NPAS3: variants seen among roughly 807,000 people sequenced by gnomAD.
NPAS3 encodes neuronal PAS domain-containing protein 3.
NPAS3 carries 14 observed loss-of-function variants against 73.1 expected under a neutral mutation model. That is an observed-to-expected ratio of 0.19 (90% CI 0.13 to 0.30). The LOEUF (loss-of-function observed/expected upper bound fraction) is 0.30. Ranked by LOEUF, NPAS3 falls within the 10% of genes least tolerant of loss-of-function variation. NPAS3 has a pLI of 1.00. For missense variants in NPAS3, 1,096 were observed against 1,250.0 expected (o/e 0.88, Z 1.86); for synonymous variants, 620 against 541.5 (o/e 1.14, Z -2.01).
At chr14:32,946,373 C>T (rs2036261216) in intron 1 of NPAS3, among the ~76,000 whole-genome samples, 2 of 151,572 alleles carry the variant, frequency 1.3e-5, no homozygotes, top group South Asian at 4.2e-4. Context: ...CACACACACA[C>T]ACACACACAC....
At chr14:33,585,289 C>T (rs1012653778) in intron 5 of NPAS3, among the ~76,000 whole-genome samples, 1 of 152,018 alleles carries the variant, frequency 6.6e-6, no homozygotes, top group Non-Finnish European at 1.5e-5. Flanking sequence ...CGAAGGTTAG[C>T]AGTGTGAAGT....
At chr14:33,469,967 G>A (rs1481734984) in intron 4 of NPAS3, among the ~76,000 whole-genome samples, 1 of 152,116 alleles carries the variant, frequency 6.6e-6, no homozygotes, top group Non-Finnish European at 1.5e-5. Context: ...CCAGCTCAAG[G>A]GCTTGGGTTT....
chr14:33,249,721 C>G (rs2048512660), intron 3 of NPAS3, among the ~76,000 whole-genome samples: 1 of 152,060 alleles, frequency 6.6e-6, no homozygotes, highest in South Asian at 2.1e-4. Context: ...TCATCAATTG[C>G]CATCTGGATG....
At chr14:33,284,350 A>G (rs978292121) in intron 3 of NPAS3, among the ~76,000 whole-genome samples, 4 of 151,986 alleles carry the variant, frequency 2.6e-5, no homozygotes, top group African/African-American at 9.7e-5. Flanking sequence ...AAAGATTCTT[A>G]ACTCTGCATA....
At chr14:33,102,091 C>A (rs2042593614) in intron 2 of NPAS3, among the ~76,000 whole-genome samples, 1 of 152,148 alleles carries the variant, frequency 6.6e-6, no homozygotes, top group African/African-American at 2.4e-5. Flanking sequence ...AGCATCATCT[C>A]TTGCCTGAAT....
At chr14:33,400,493 C>T (rs770242959) in intron 4 of NPAS3, among the ~76,000 whole-genome samples, 6 of 152,004 alleles carry the variant, frequency 3.9e-5, no homozygotes, top group African/African-American at 9.7e-5. Context: ...TAACTAAAGG[C>T]GAAGACTGGT....
At chr14:32,957,102 A>G (rs868772453) in intron 1 of NPAS3, among the ~76,000 whole-genome samples, 4 of 152,180 alleles carry the variant, frequency 2.6e-5, no homozygotes, top group Non-Finnish European at 5.9e-5. Context: ...CTGGTCTTCT[A>G]TGTTCAGTGT....
At position 33,722,149 on chromosome 14, in the gene NPAS3, C is replaced by G. The variant is rs537721209; in HGVS notation, c.734-13065C>G. On this transcript the variant is annotated intron_variant, in intron 6 of 11. Coordinates refer to ENST00000356141, the Ensembl canonical transcript of NPAS3. The stretch of plus-strand genomic sequence containing the variant: ...TATACCATTTAGACCCAGAAGCCAT[C>G]CAACATAACATCGAAGTGTTCATGG... Among the ~76,000 whole-genome samples, 4 of 152,282 alleles carry G rather than the reference C, an allele frequency of 2.6e-5. No homozygotes were observed. In the East Asian group the frequency reaches 7.7e-4, roughly 29 times the overall value.
intron 6 of NPAS3, among the ~76,000 whole-genome samples, chr14:33,683,642 C>T (rs2060004802): frequency 6.6e-6 from 1 of 152,132 alleles, no homozygotes; most frequent in African/African-American, 2.4e-5. Flanking sequence ...GGATCAGTTA[C>T]CTAGCATTGA....
At position 33,800,167 on chromosome 14, in the gene NPAS3, G is replaced by C. The variant is rs368518909; in HGVS notation, c.1860G>C (p.Ala620=). Residue 620 remains alanine (A), a synonymous_variant, in exon 12 of 12, where the codon GCG becomes GCC. Transcript: ENST00000356141. This position sits in a 1 kb window ranked among gnomAD's most constrained non-coding sequence, Gnocchi z 6.5. Reference sequence around the variant, plus strand: ...CCAGCCGCCGGCGCCTGTCCAGCGCGTCGAGCCCAGGCGGCCTGGACGCGG... The same window carrying C: ...CCAGCCGCCGGCGCCTGTCCAGCGCCTCGAGCCCAGGCGGCCTGGACGCGG... 8 of 1,606,768 alleles carry C rather than the reference G, an allele frequency of 5.0e-6. No homozygotes were observed. Among genetic ancestry groups the C allele is most frequent in the Non-Finnish European group, 5.1e-6 (6 of 1,177,478 alleles).
rs146838941 is a variant in NPAS3 at position 33,216,373 on chromosome 14, A to C, written c.385+947A>C. On this transcript the variant is annotated intron_variant, in intron 3 of 11. Transcript: ENST00000356141. Reference sequence around the variant, plus strand: ...CTTGGCTATGATAGGAAAGGGTACTAGTCGGGAGCTGTAATCTTTTGTAGG... The same window carrying C: ...CTTGGCTATGATAGGAAAGGGTACTCGTCGGGAGCTGTAATCTTTTGTAGG... 3.7e-4 allele frequency among the ~76,000 whole-genome samples: 56 copies of C among 152,326 alleles called. No homozygotes were observed. The East Asian group carries it at 0.011, about 29-fold the overall frequency.
chr14:32,963,744 C>A (rs1175723398), intron 1 of NPAS3, among the ~76,000 whole-genome samples: 1 of 152,072 alleles, frequency 6.6e-6, no homozygotes, highest in Non-Finnish European at 1.5e-5. Context: ...TCAACTAGAA[C>A]TTAGTAGATG....
chr14:32,990,538 T>A (rs2038288461), intron 1 of NPAS3, among the ~76,000 whole-genome samples: 1 of 152,140 alleles, frequency 6.6e-6, no homozygotes, highest in Non-Finnish European at 1.5e-5. Context: ...TTAGTAATAA[T>A]GGAAGGCTAC....
chr14:33,603,465 A>C (rs992443572), intron 5 of NPAS3, among the ~76,000 whole-genome samples: 5 of 152,164 alleles, frequency 3.3e-5, no homozygotes, highest in African/African-American at 1.2e-4. Flanking sequence ...AGAACTACAA[A>C]CCTATAAATT....
chr14:32,934,972 A>G, upstream of NPAS3: 1 of 1,323,396 alleles, frequency 7.6e-7, no homozygotes, highest in Non-Finnish European at 9.7e-7. This position sits in a 1 kb window ranked among gnomAD's most constrained non-coding sequence, Gnocchi z 4.1. Flanking sequence ...CACCCCGCAG[A>G]ACGTCCAGGG....
At chr14:33,610,912 A>G (rs1406065329) in intron 5 of NPAS3, 1 of 152,254 alleles carries the variant, frequency 6.6e-6, no homozygotes, top group East Asian at 1.9e-4. Context: ...AACAGAACAC[A>G]GGAGCAGCTT....
chr14:33,137,476 T>G (rs1224882277), intron 2 of NPAS3, among the ~76,000 whole-genome samples: 3 of 152,198 alleles, frequency 2.0e-5, no homozygotes, highest in Non-Finnish European at 4.4e-5. Flanking sequence ...ATGTATCTGT[T>G]GGATTTTAAA....
At chr14:33,571,339 G>A (rs754786817) in intron 5 of NPAS3, among the ~76,000 whole-genome samples, 7 of 152,266 alleles carry the variant, frequency 4.6e-5, no homozygotes, top group Admixed American at 2.0e-4. Flanking sequence ...TTCATCCAAC[G>A]CTGGACATTT....
intron 2 of NPAS3, among the ~76,000 whole-genome samples, chr14:33,165,703 CT>C: frequency 6.6e-6 from 1 of 151,756 alleles, no homozygotes; most frequent in Non-Finnish European, 1.5e-5. Flanking sequence ...CTTACTTCCT[CT>C]CTTTTTTTTT....
Sources: allele counts gnomAD v4.1 joint callset (sites outside exome capture counted in the v4.1 genomes callset), GRCh38; gene constraint gnomAD v4.1.1; non-coding constraint Gnocchi (gnomAD v3.1); transcripts MANE v1.5; gene names NCBI Gene and HGNC (gene_info 2026-07-23, HGNC 2026-07-21).